The following ESR1 variants were observed in gnomAD, a reference collection of about 807,000 sequenced individuals.
The protein encoded by ESR1 is estrogen receptor 1, also known as estrogen receptor.
ESR1 carries 12 observed loss-of-function variants against 52.7 expected under a neutral mutation model. That is an observed-to-expected ratio of 0.23 (90% CI 0.15 to 0.37). The LOEUF (loss-of-function observed/expected upper bound fraction) is 0.37. ESR1 is among the 10% of genes least tolerant of loss of function. The probability of loss-of-function intolerance (pLI) is 1.00; values close to 1 mark genes in which losing one functional copy is unlikely to be tolerated. For synonymous variants in ESR1, 305 were observed against 316.8 expected, an observed-to-expected ratio of 0.96 and a Z score of 0.39; for missense variants, 584 against 779.7, an observed-to-expected ratio of 0.75 and a Z score of 2.99.
At chr6:151,888,685 G>T (rs1794253310) in intron 3 of ESR1, among the ~76,000 whole-genome samples, 2 of 151,922 alleles carry the variant, frequency 1.3e-5, no homozygotes, top group African/African-American at 4.8e-5. Flanking sequence ...AATTGCTCTG[G>T]CAGGAACTCT....
intron 6 of ESR1, among the ~76,000 whole-genome samples, chr6:152,068,633 T>A (rs552726863): frequency 6.6e-6 from 1 of 152,354 alleles, no homozygotes; most frequent in Admixed American, 6.5e-5. Context: ...TTTTGGAATG[T>A]CATTAAGACA....
At chr6:151,673,130 G>T (rs1010113091) in intron 1 of ESR1, among the ~76,000 whole-genome samples, 1 of 151,976 alleles carries the variant, frequency 6.6e-6, no homozygotes, top group Non-Finnish European at 1.5e-5. Flanking sequence ...CCGGCTTCAT[G>T]ATCAAATTTT....
chr6:152,104,041 T>G (rs1562793049), downstream of ESR1, among the ~76,000 whole-genome samples: 3 of 147,306 alleles, frequency 2.0e-5, no homozygotes, highest in Admixed American at 6.7e-5. Flanking sequence ...GGCCTCAGTT[T>G]CTTGACTTGT....
At chr6:152,045,874 G>A (rs2046192816) in intron 5 of ESR1, among the ~76,000 whole-genome samples, 1 of 152,204 alleles carries the variant, frequency 6.6e-6, no homozygotes. Flanking sequence ...GTGGAAGTTA[G>A]TAAGTCTACA....
At chr6:152,048,291 G>A (rs1317160183) in intron 5 of ESR1, among the ~76,000 whole-genome samples, 4 of 149,206 alleles carry the variant, frequency 2.7e-5, no homozygotes, top group African/African-American at 7.4e-5. Context: ...GGAATTGCTT[G>A]AGGAGGATAT....
At chr6:151,962,376 G>A (rs1584496419) in intron 4 of ESR1, among the ~76,000 whole-genome samples, 1 of 151,914 alleles carries the variant, frequency 6.6e-6, no homozygotes, top group Non-Finnish European at 1.5e-5. Flanking sequence ...AGAGGACCAC[G>A]GGAGCACCCT....
chr6:151,676,838 CAT>C (rs1778269715), intron 1 of ESR1, among the ~76,000 whole-genome samples: 1 of 152,126 alleles, frequency 6.6e-6, no homozygotes, highest in Admixed American at 6.5e-5. Flanking sequence ...TCTCAAGACA[CAT>C]ATATTCACCA....
At chr6:151,930,683 T>A (rs1239788964) in intron 3 of ESR1, among the ~76,000 whole-genome samples, 1 of 152,218 alleles carries the variant, frequency 6.6e-6, no homozygotes, top group Non-Finnish European at 1.5e-5. Flanking sequence ...TTCCTCTTGC[T>A]TGAAGAACAT....
intron 1 of ESR1, among the ~76,000 whole-genome samples, chr6:151,820,775 GC>G (rs1217172722): frequency 6.6e-6 from 1 of 152,094 alleles, no homozygotes; most frequent in Non-Finnish European, 1.5e-5. Context: ...TATGATCCTT[GC>G]TAAAAGCATG....
chr6:152,087,401 A>T (rs1190780634), intron 6 of ESR1, among the ~76,000 whole-genome samples: 1 of 152,232 alleles, frequency 6.6e-6, no homozygotes, highest in Admixed American at 6.5e-5. Context: ...GTCATAAAAT[A>T]CTTCTCATCT....
chr6:151,923,740 T>G (rs531733211), intron 3 of ESR1, among the ~76,000 whole-genome samples: 47 of 152,238 alleles, frequency 3.1e-4, no homozygotes, highest in Admixed American at 2.2e-3. Context: ...TCTAAATTCA[T>G]GGCAATTATG....
At chr6:152,065,880 G>A (rs536768082) in intron 6 of ESR1, among the ~76,000 whole-genome samples, 1 of 152,108 alleles carries the variant, frequency 6.6e-6, no homozygotes, top group Non-Finnish European at 1.5e-5. Context: ...TTCAATTGGT[G>A]GAATAATAAA....
intron 2 of ESR1, among the ~76,000 whole-genome samples, chr6:151,853,526 GCTA>G (rs954580262): frequency 1.3e-5 from 2 of 152,040 alleles, no homozygotes; most frequent in African/African-American, 4.8e-5. Context: ...TCTCCCTTTG[GCTA>G]AGTCATCTTT....
At chr6:151,681,711 T>A (rs1055908276) in intron 1 of ESR1, among the ~76,000 whole-genome samples, 1 of 152,152 alleles carries the variant, frequency 6.6e-6, no homozygotes, top group Non-Finnish European at 1.5e-5. Flanking sequence ...ACAGGCTGCT[T>A]CCTCCAGGCC....
chr6:151,662,447 T>A (rs747347615), intron 1 of ESR1, among the ~76,000 whole-genome samples: 1 of 152,148 alleles, frequency 6.6e-6, no homozygotes, highest in Non-Finnish European at 1.5e-5. Flanking sequence ...TTAAATAACA[T>A]GCCCCCAATC....
chr6:152,022,041 C>T (rs1251497718), intron 5 of ESR1, among the ~76,000 whole-genome samples: 1 of 152,130 alleles, frequency 6.6e-6, no homozygotes, highest in South Asian at 2.1e-4. Flanking sequence ...CGGACTAATA[C>T]ACTGCATGCT....
intron 2 of ESR1, among the ~76,000 whole-genome samples, chr6:151,711,637 T>A (rs1101082): frequency 2.0e-5 from 3 of 152,220 alleles, no homozygotes; most frequent in African/African-American, 7.2e-5. Context: ...CATATGTTTG[T>A]TGGCCGCATA....
chr6:151,904,581 G>A (rs1022474691), intron 3 of ESR1, among the ~76,000 whole-genome samples: 2 of 152,070 alleles, frequency 1.3e-5, no homozygotes, highest in East Asian at 1.9e-4. Context: ...TTTTATGCAA[G>A]CAGATAATAG....
intron 5 of ESR1, among the ~76,000 whole-genome samples, chr6:152,049,737 GC>G (rs2046524612): frequency 6.6e-6 from 1 of 152,174 alleles, no homozygotes; most frequent in South Asian, 2.1e-4. Flanking sequence ...TTGGCTCTGT[GC>G]CAGGGATGTG....
Sources: allele counts gnomAD v4.1 joint callset (sites outside exome capture counted in the v4.1 genomes callset), GRCh38; gene constraint gnomAD v4.1.1; transcripts MANE v1.5; gene names NCBI Gene and HGNC (gene_info 2026-07-23, HGNC 2026-07-21).